Variants in SGCD observed in about 807,000 individuals in gnomAD.
SGCD encodes the protein sarcoglycan delta.
In SGCD, 18 loss-of-function variants were observed where a neutral mutation model predicts 36.6. The ratio of observed to expected loss-of-function variants is 0.49; its 90% confidence interval spans 0.34 to 0.73. The LOEUF is 0.73. Among genes scored for constraint, SGCD ranks in the 30% least tolerant of loss-of-function variants. The pLI, the probability that SGCD is intolerant of heterozygous loss-of-function variation, is 0.01. For missense variants in SGCD, 387 were observed against 346.7 expected, an observed-to-expected ratio of 1.12 and a Z score of -0.92; for synonymous variants, 133 against 130.6, an observed-to-expected ratio of 1.02 and a Z score of -0.12.
intron 3 of SGCD, among the ~76,000 whole-genome samples, chr5:156,482,385 T>C (rs1755470465): frequency 6.6e-6 from 1 of 152,244 alleles, no homozygotes; most frequent in Non-Finnish European, 1.5e-5. Flanking sequence ...AGGGTAATAT[T>C]GTTTCACTTT....
intron 4 of SGCD, among the ~76,000 whole-genome samples, chr5:156,571,620 G>A (rs1438715584): frequency 6.6e-6 from 1 of 152,048 alleles, no homozygotes; most frequent in Non-Finnish European, 1.5e-5. Context: ...CTTGAGCTAA[G>A]CACACAATCA....
At chr5:156,607,251 A>C (rs1027926018) in intron 6 of SGCD, among the ~76,000 whole-genome samples, 4 of 152,216 alleles carry the variant, frequency 2.6e-5, no homozygotes, top group African/African-American at 9.6e-5. Flanking sequence ...AGTTTTTAGC[A>C]TGAAGCATTG....
chr5:156,078,561 TTA>T (rs1023651923), intron 1 of SGCD, among the ~76,000 whole-genome samples: 6 of 118,286 alleles, frequency 5.1e-5, no homozygotes, highest in African/African-American at 8.8e-5. Context: ...ATATTTATAT[TTA>T]TATATATATT....
upstream of SGCD, among the ~76,000 whole-genome samples, chr5:156,323,469 GT>G (rs1193243638): frequency 6.6e-6 from 1 of 152,154 alleles, no homozygotes; most frequent in Non-Finnish European, 1.5e-5. Flanking sequence ...AGGAATCTCA[GT>G]TTTCAAGTAA....
intron 1 of SGCD, among the ~76,000 whole-genome samples, chr5:155,897,143 G>A (rs1190080098): frequency 1.3e-5 from 2 of 152,096 alleles, no homozygotes; most frequent in African/African-American, 2.4e-5. Context: ...AAACCTGGAC[G>A]GTACAGCCTG....
intron 7 of SGCD, among the ~76,000 whole-genome samples, chr5:156,728,870 CA>C (rs1247151915): frequency 3.9e-5 from 6 of 152,014 alleles, no homozygotes; most frequent in Non-Finnish European, 7.4e-5. Context: ...TTGTCTAACC[CA>C]GAGAACTATA....
intron 3 of SGCD, among the ~76,000 whole-genome samples, chr5:156,297,418 G>A (rs187191055): frequency 6.6e-6 from 1 of 151,990 alleles, no homozygotes; most frequent in Admixed American, 6.6e-5. Context: ...ACTGGATTGA[G>A]AAAATGTGGC....
chr5:155,924,413 C>A (rs931943400), intron 1 of SGCD, among the ~76,000 whole-genome samples: 6 of 152,184 alleles, frequency 3.9e-5, no homozygotes, highest in African/African-American at 1.4e-4. Context: ...GCACCTGTTT[C>A]TTCTCTTCCA....
chr5:156,521,104 T>C (rs1187370225), intron 4 of SGCD, among the ~76,000 whole-genome samples: 2 of 149,814 alleles, frequency 1.3e-5, no homozygotes, highest in East Asian at 3.9e-4. Context: ...ATGGGGAAAG[T>C]ATTCCCTATT....
chr5:155,828,902 G>T, the SGCD span, among the ~76,000 whole-genome samples: 1 of 152,014 alleles, frequency 6.6e-6, no homozygotes, highest in Non-Finnish European at 1.5e-5. Context: ...GGTCAGGCTA[G>T]TCTGAAACTC....
rs1005830624 is a variant in SGCD, at chr5:156,762,231, T to C, written c.*2841T>C. 6.6e-6 allele frequency: 1 copy of C among 152,602 alleles called. No individual in the cohort carries two copies. Among genetic ancestry groups the C allele is most frequent in the Non-Finnish European group, 1.5e-5 (1 of 68,020 alleles). The allele number at this position is 152,602 out of a possible 1,614,324, so 9.5% of individuals were successfully genotyped here. ...ACCTTTGGGTATATTAAACAGCTGG[T>C]ATCATAACAAAGAATCCAAATGAAC... On this transcript the variant is annotated 3_prime_UTR_variant, in exon 9 of 9. Transcript: ENST00000337851.
chr5:156,723,352 C>T (rs1744697419), intron 7 of SGCD, among the ~76,000 whole-genome samples: 1 of 152,154 alleles, frequency 6.6e-6, no homozygotes, highest in Non-Finnish European at 1.5e-5. Flanking sequence ...AGAGTTTCAA[C>T]GGTGAGCATT....
At chr5:155,912,193 C>T (rs1434520934) in intron 1 of SGCD, among the ~76,000 whole-genome samples, 1 of 152,018 alleles carries the variant, frequency 6.6e-6, no homozygotes, top group Non-Finnish European at 1.5e-5. Flanking sequence ...TGAAAAGATG[C>T]TCCACCTGGG....
chr5:155,917,042 A>G (rs1011517686), intron 1 of SGCD, among the ~76,000 whole-genome samples: 26 of 152,186 alleles, frequency 1.7e-4, no homozygotes, highest in African/African-American at 5.5e-4. Context: ...AGCGTTTCCG[A>G]GTCTGATACA....
chr5:156,669,620 G>A (rs968732472), intron 7 of SGCD, among the ~76,000 whole-genome samples: 1 of 152,144 alleles, frequency 6.6e-6, no homozygotes, highest in Non-Finnish European at 1.5e-5. Context: ...TCAAGACAGG[G>A]TATTATGCCA....
At chr5:155,729,283 T>C in the SGCD span, among the ~76,000 whole-genome samples, 2 of 152,338 alleles carry the variant, frequency 1.3e-5, no homozygotes, top group South Asian at 4.1e-4. Flanking sequence ...CGCGTTAAGC[T>C]AGCTCCCAGC....
At chr5:155,741,399 G>T in the SGCD span, among the ~76,000 whole-genome samples, 81 of 152,218 alleles carry the variant, frequency 5.3e-4, 1 homozygote, top group South Asian at 0.016. Context: ...AGTTTTGCGG[G>T]GCCATTTCCA....
At chr5:155,865,218 A>G in the SGCD span, among the ~76,000 whole-genome samples, 4 of 152,140 alleles carry the variant, frequency 2.6e-5, no homozygotes, top group Admixed American at 1.3e-4. Context: ...ATAACCCATA[A>G]CATAAAATAT....
At chr5:156,265,634 A>G (rs1489178116) in intron 3 of SGCD, among the ~76,000 whole-genome samples, 2 of 150,728 alleles carry the variant, frequency 1.3e-5, no homozygotes, top group Admixed American at 1.3e-4. Context: ...TTAATAATAT[A>G]TTGTTAATTA....
Sources: gnomAD v4.1 joint callset for allele counts (sites outside exome capture counted in the v4.1 genomes callset) on GRCh38, gnomAD v4.1.1 for gene constraint, MANE v1.5 for transcripts, NCBI Gene and HGNC (gene_info 2026-07-23, HGNC 2026-07-21) for gene names.